The following GPR39 variants were observed in gnomAD, a reference collection of about 807,000 sequenced individuals.
GPR39 encodes the protein G protein-coupled receptor 39.
GPR39 carries 23 observed loss-of-function variants against 18.4 expected under a neutral mutation model. That is an observed-to-expected ratio of 1.25 (90% CI 0.90 to 1.77). The LOEUF (loss-of-function observed/expected upper bound fraction) is 1.77, where lower values mean the gene tolerates loss of function less well. GPR39 is among the 40% of genes most tolerant of loss of function. The pLI, the probability that GPR39 is intolerant of heterozygous loss-of-function variation, is 0.00. For missense variants in GPR39, 647 were observed against 602.4 expected, an observed-to-expected ratio of 1.07 and a Z score of -0.78; for synonymous variants, 280 against 257.9, an observed-to-expected ratio of 1.09 and a Z score of -0.82.
chr2:132,637,343 A>G (rs1006556294), intron 1 of GPR39, among the ~76,000 whole-genome samples: 4 of 152,224 alleles, frequency 2.6e-5, no homozygotes, highest in African/African-American at 7.2e-5. Flanking sequence ...GCCCATTTGG[A>G]ATCTGGCTTC....
intron 1 of GPR39, among the ~76,000 whole-genome samples, chr2:132,476,982 A>G (rs1017538628): frequency 6.6e-6 from 1 of 152,112 alleles, no homozygotes; most frequent in Non-Finnish European, 1.5e-5. Context: ...AGTGAGATTC[A>G]AGGCCCCACA....
chr2:132,540,028 T>C (rs1214073067), intron 1 of GPR39, among the ~76,000 whole-genome samples: 2 of 152,098 alleles, frequency 1.3e-5, no homozygotes, highest in Non-Finnish European at 2.9e-5. Flanking sequence ...GAAGTTGCTA[T>C]TAAGAAGACC....
intron 1 of GPR39, among the ~76,000 whole-genome samples, chr2:132,438,573 CTT>C (rs35614907): frequency 0.014 from 1,340 of 97,652 alleles, 8 homozygotes; most frequent in African/African-American, 0.047. Context: ...TGTCAGCAAG[CTT>C]TTTTTTTTTT....
intron 1 of GPR39, among the ~76,000 whole-genome samples, chr2:132,522,474 G>T (rs1276084135): frequency 6.6e-6 from 1 of 152,162 alleles, no homozygotes. Flanking sequence ...CTCTGTGATA[G>T]GCATTGTTCT....
At chr2:132,517,063 T>A (rs556340083) in intron 1 of GPR39, among the ~76,000 whole-genome samples, 85 of 151,910 alleles carry the variant, frequency 5.6e-4, no homozygotes, top group African/African-American at 8.7e-4. Context: ...CATTTTTTTT[T>A]AAAAGCGGAC....
At chr2:132,501,571 T>C (rs540249980) in intron 1 of GPR39, among the ~76,000 whole-genome samples, 1 of 152,332 alleles carries the variant, frequency 6.6e-6, no homozygotes, top group Admixed American at 6.5e-5. Context: ...GGGTGGAATG[T>C]TCTGTAAACA....
At chr2:132,587,143 G>C (rs1185614127) in intron 1 of GPR39, among the ~76,000 whole-genome samples, 3 of 152,192 alleles carry the variant, frequency 2.0e-5, no homozygotes, top group Admixed American at 6.5e-5. Flanking sequence ...GGACGGTCCG[G>C]GATGATTCTG....
intron 1 of GPR39, among the ~76,000 whole-genome samples, chr2:132,458,855 A>G (rs1376027624): frequency 1.3e-5 from 2 of 151,952 alleles, no homozygotes; most frequent in African/African-American, 4.8e-5. Context: ...AGAGCTGTTC[A>G]CAATGCCAAA....
At chr2:132,544,354 A>G (rs371313448) in intron 1 of GPR39, among the ~76,000 whole-genome samples, 68 of 152,256 alleles carry the variant, frequency 4.5e-4, no homozygotes, top group Middle Eastern at 3.4e-3. Flanking sequence ...CTTGAGACAA[A>G]CTAGTACTTC....
At chr2:132,614,709 C>G (rs1402108829) in intron 1 of GPR39, among the ~76,000 whole-genome samples, 2 of 152,042 alleles carry the variant, frequency 1.3e-5, no homozygotes, top group East Asian at 3.9e-4. Context: ...TGCCACCACA[C>G]CAGGCTAATT....
intron 1 of GPR39, among the ~76,000 whole-genome samples, chr2:132,530,938 G>A (rs1321597233): frequency 1.3e-5 from 2 of 152,192 alleles, no homozygotes; most frequent in Non-Finnish European, 2.9e-5. Flanking sequence ...GGAAGAAACT[G>A]CATCAACTAA....
intron 1 of GPR39, among the ~76,000 whole-genome samples, chr2:132,619,043 C>T (rs570932984): frequency 1.8e-4 from 27 of 152,322 alleles, no homozygotes; most frequent in African/African-American, 6.5e-4. Flanking sequence ...GCAGCATCCA[C>T]CTCTGCTCCA....
At chr2:132,447,288 A>C (rs1680553673) in intron 1 of GPR39, among the ~76,000 whole-genome samples, 1 of 152,234 alleles carries the variant, frequency 6.6e-6, no homozygotes, top group African/African-American at 2.4e-5. Flanking sequence ...CTATTAGATA[A>C]GTTTGTACAA....
intron 1 of GPR39, among the ~76,000 whole-genome samples, chr2:132,454,696 T>C (rs1442062308): frequency 6.6e-6 from 1 of 151,766 alleles, no homozygotes; most frequent in Non-Finnish European, 1.5e-5. Flanking sequence ...CATGATGGGT[T>C]GTTGAATTTT....
chr2:132,491,342 C>T (rs1394093900), intron 1 of GPR39, among the ~76,000 whole-genome samples: 1 of 152,104 alleles, frequency 6.6e-6, no homozygotes, highest in African/African-American at 2.4e-5. Flanking sequence ...AAAAATTACA[C>T]TGCCTTGTGA....
intron 1 of GPR39, among the ~76,000 whole-genome samples, chr2:132,563,173 T>C (rs1680285998): frequency 6.6e-6 from 1 of 152,170 alleles, no homozygotes. Flanking sequence ...GCTAACACAG[T>C]GGAGCTTCAC....
chr2:132,557,776 A>C (rs1284708863), intron 1 of GPR39, among the ~76,000 whole-genome samples: 3 of 152,320 alleles, frequency 2.0e-5, no homozygotes, highest in Middle Eastern at 3.4e-3. Context: ...TGACTGGCTT[A>C]CAATATAGTA....
Position 132,527,787 on chromosome 2 carries a change from T to G in GPR39, c.856+109889T>G, listed in dbSNP as rs544590782. Among the ~76,000 whole-genome samples, 3 of 152,118 alleles carry G rather than the reference T, an allele frequency of 2.0e-5. No individual in the cohort carries two copies. The East Asian group carries it at 5.8e-4, about 29-fold the overall frequency. ...CCTACTCCCACTTTTTATGGGGTTG[T>G]TTTTTTTCTTGTAAATTGGTTTAAG... is the stretch of plus-strand genomic sequence containing the variant. On this transcript the variant is annotated intron_variant, in intron 1 of 1. Transcript: ENST00000329321.
intron 1 of GPR39, among the ~76,000 whole-genome samples, chr2:132,574,817 A>T (rs1411644353): frequency 6.6e-6 from 1 of 152,250 alleles, no homozygotes; most frequent in Admixed American, 6.5e-5. Flanking sequence ...TGTAAAAGAT[A>T]CAACTTAGTA....
Sources: gnomAD v4.1 joint callset for allele counts (sites outside exome capture counted in the v4.1 genomes callset) on GRCh38, gnomAD v4.1.1 for gene constraint, MANE v1.5 for transcripts, NCBI Gene and HGNC (gene_info 2026-07-23, HGNC 2026-07-21) for gene names.